The following MYO5B variants were observed in gnomAD, a reference collection of about 807,000 sequenced individuals.
The protein encoded by MYO5B is myosin VB.
Under a neutral mutation model 229.3 loss-of-function variants are expected in MYO5B, and 143 were observed. That is an observed-to-expected ratio of 0.62 (90% CI 0.54 to 0.72). MYO5B has a LOEUF of 0.72. MYO5B is among the 30% of genes least tolerant of loss of function. The pLI is 0.00. For missense variants in MYO5B, 2,321 were observed against 2,331.0 expected (o/e 1.00, Z 0.09); for synonymous variants, 918 against 885.2 (o/e 1.04, Z -0.66).
intron 1 of MYO5B, among the ~76,000 whole-genome samples, chr18:50,140,741 A>G (rs1042894413): frequency 6.6e-6 from 1 of 152,226 alleles, no homozygotes; most frequent in Admixed American, 6.5e-5. Context: ...TTATAACCAC[A>G]GTCCACACAC....
intron 1 of MYO5B, chr18:50,097,299 A>C: frequency 4.4e-6 from 2 of 456,608 alleles, no homozygotes; most frequent in Non-Finnish European, 8.8e-6. Context: ...TCACATGTGC[A>C]TCTCAGCCAG....
chr18:49,925,716 G>A (rs902794837), intron 17 of MYO5B, among the ~76,000 whole-genome samples: 5 of 152,190 alleles, frequency 3.3e-5, no homozygotes, highest in Non-Finnish European at 7.3e-5. Context: ...CCAGCTGCCC[G>A]TGGAAGATGG....
At chr18:50,059,985 T>C (rs1012393063) in intron 1 of MYO5B, among the ~76,000 whole-genome samples, 1 of 152,128 alleles carries the variant, frequency 6.6e-6, no homozygotes, top group Non-Finnish European at 1.5e-5. Context: ...AAGACCACAG[T>C]AGCTGGGAAC....
Position 49,822,934 on chromosome 18 carries a change from T to C in MYO5B, c.*3537A>G, listed in dbSNP as rs1429558913. 1.3e-5 allele frequency: 2 copies of C among 152,242 alleles called. No individual in the cohort carries two copies. The highest frequency in any genetic ancestry group is 6.5e-5 in the Admixed American group (1 of 15,280). 9.4% of individuals were successfully genotyped at this position (152,242 alleles called of 1,614,324 possible). ...CAGATTTGTGCAAAGTGGGAAAATA[T>C]TTTCATCAGTAGTCTTTCTTCCATG... On this transcript the variant is annotated 3_prime_UTR_variant, in exon 40 of 40. Transcript: ENST00000285039.
Position 49,835,369 on chromosome 18 carries a change from G to A in MYO5B, c.5369C>T (p.Thr1790Ile), listed in dbSNP as rs374025628. 190 of 1,611,650 alleles carry A rather than the reference G, an allele frequency of 1.2e-4. No individual in the cohort carries two copies. The highest frequency in any genetic ancestry group is 1.5e-4 in the Non-Finnish European group (179 of 1,179,332). ...CTGGATTGTTCGTATAAAGGCCACTGTTACCCGTTCTTCAAATTCATTCAG... is the reference window on the plus strand; with the variant it reads ...CTGGATTGTTCGTATAAAGGCCACTATTACCCGTTCTTCAAATTCATTCAG... The part of the protein sequence containing the change: ...TPLNEFEERV[T>I]VAFIRTIQAQ... Residue 1790 changes from threonine to isoleucine, a missense_variant, in exon 39 of 40, where the codon ACA (threonine) becomes ATA (isoleucine). Thr to Ile is a moderately conservative substitution (Grantham distance 89, BLOSUM62 -1). This residue lies in a region of MYO5B where 208 missense variants were observed against 286.3 expected (regional missense o/e 0.73). Transcript: ENST00000285039.
intron 1 of MYO5B, among the ~76,000 whole-genome samples, chr18:50,183,713 T>G (rs2033108470): frequency 6.6e-6 from 1 of 151,160 alleles, no homozygotes. Context: ...TCAAAGCTCA[T>G]GTTGAAATTT....
At position 49,973,549 on chromosome 18, in the gene MYO5B, G is replaced by A. The variant is rs1343990093; in HGVS notation, c.1322+801C>T. Among the ~76,000 whole-genome samples, 4 of 152,300 alleles carry A rather than the reference G, an allele frequency of 2.6e-5. No homozygotes were observed. The South Asian group carries it at 6.2e-4, about 24-fold the overall frequency. On this transcript the variant is annotated intron_variant, in intron 10 of 39. Coordinates refer to ENST00000285039, the MANE Select transcript of MYO5B (RefSeq NM_001080467.3). Reference sequence around the variant, plus strand: ...ATTTAGTCTATTGTTAGCTTAAAGAGGACAGGACATTGGTCAGAAAAGAAG... The same window carrying A: ...ATTTAGTCTATTGTTAGCTTAAAGAAGACAGGACATTGGTCAGAAAAGAAG...
At chr18:50,031,562 G>C (rs116410057) in intron 4 of MYO5B, among the ~76,000 whole-genome samples, 1,578 of 152,250 alleles carry the variant, frequency 0.01, 27 homozygotes, top group African/African-American at 0.035. Context: ...GTGCCACAAA[G>C]TCTCACACTT....
At chr18:49,937,021 T>C (rs1438067146) in intron 15 of MYO5B, among the ~76,000 whole-genome samples, 3 of 152,232 alleles carry the variant, frequency 2.0e-5, no homozygotes, top group Non-Finnish European at 4.4e-5. Context: ...AACATACTTA[T>C]GGAGGCTACG....
At chr18:50,043,712 G>C (rs990785108) in intron 2 of MYO5B, among the ~76,000 whole-genome samples, 1 of 141,280 alleles carries the variant, frequency 7.1e-6, no homozygotes. Flanking sequence ...ATATAAAGTG[G>C]AATTATTACT....
At position 49,895,186 on chromosome 18, in the gene MYO5B, A is replaced by G. The variant is rs1387206242; in HGVS notation, c.2812-12T>C. On this transcript the variant is annotated splice_polypyrimidine_tract_variant and intron_variant, in intron 21 of 39. Coordinates refer to ENST00000285039, the MANE Select transcript of MYO5B (RefSeq NM_001080467.3). ...TTGAACTCTTTGTTCTGTGGAGAACATCAGCAAACAAGGAGAAGGGAGAAG... is the reference window on the plus strand; with the variant it reads ...TTGAACTCTTTGTTCTGTGGAGAACGTCAGCAAACAAGGAGAAGGGAGAAG... The G allele has an allele frequency of 2.5e-6, 4 of 1,605,356 alleles. No individual in the cohort carries two copies. Among genetic ancestry groups the G allele is most frequent in the Non-Finnish European group, 3.4e-6 (4 of 1,172,374 alleles).
chr18:50,003,657 T>C (rs1277102844), intron 4 of MYO5B, among the ~76,000 whole-genome samples: 6 of 152,204 alleles, frequency 3.9e-5, no homozygotes, highest in African/African-American at 7.2e-5. Flanking sequence ...ACAAGTTTGA[T>C]ACCATCTTTA....
In MYO5B at chr18:49,822,889, A is replaced by G. The variant is rs1215026614; in HGVS notation, c.*3582T>C. The stretch of plus-strand genomic sequence containing the variant: ...CAGTGACTATTACAAGCATTTTTCT[A>G]TAAACAAAGGTGTAGTTTACAGATT... On this transcript the variant is annotated 3_prime_UTR_variant, in exon 40 of 40. Transcript: ENST00000285039. 1 of 152,256 alleles carries G rather than the reference A, an allele frequency of 6.6e-6. No individual in the cohort carries two copies. Among genetic ancestry groups the G allele is most frequent in the Non-Finnish European group, 1.5e-5 (1 of 68,046 alleles). 9.4% of individuals were successfully genotyped at this position (152,256 alleles called of 1,614,324 possible).
intron 1 of MYO5B, among the ~76,000 whole-genome samples, chr18:50,165,357 C>T (rs984878200): frequency 6.6e-6 from 1 of 152,104 alleles, no homozygotes; most frequent in African/African-American, 2.4e-5. Flanking sequence ...GTGGCAGATG[C>T]CTATGGTCCC....
intron 16 of MYO5B, among the ~76,000 whole-genome samples, chr18:49,930,149 G>A (rs1216256017): frequency 6.6e-6 from 1 of 152,142 alleles, no homozygotes; most frequent in Non-Finnish European, 1.5e-5. Context: ...CATATAATGG[G>A]GGAAAACAGC....
At chr18:50,103,056 C>G (rs578226884) in intron 1 of MYO5B, among the ~76,000 whole-genome samples, 19 of 152,344 alleles carry the variant, frequency 1.2e-4, no homozygotes, top group African/African-American at 4.3e-4. Context: ...CCACTTCTCC[C>G]CTGCCCCGCC....
chr18:49,940,784 C>G (rs2025305026), intron 14 of MYO5B, among the ~76,000 whole-genome samples: 1 of 152,242 alleles, frequency 6.6e-6, no homozygotes, highest in Non-Finnish European at 1.5e-5. Context: ...TGCAGGAACA[C>G]TTCACTATCA....
At chr18:50,051,504 G>A (rs1192902737) in intron 2 of MYO5B, among the ~76,000 whole-genome samples, 2 of 152,204 alleles carry the variant, frequency 1.3e-5, no homozygotes, top group South Asian at 2.1e-4. Context: ...AAAAAGGGAG[G>A]TGGGGCCAGG....
intron 1 of MYO5B, among the ~76,000 whole-genome samples, chr18:50,113,178 G>A (rs1274210271): frequency 6.6e-6 from 1 of 151,518 alleles, no homozygotes; most frequent in Non-Finnish European, 1.5e-5. Flanking sequence ...AAAAATATTT[G>A]CTCAGTACCT....
Sources: gnomAD v4.1 joint callset for allele counts (sites outside exome capture counted in the v4.1 genomes callset) on GRCh38, gnomAD v4.1.1 for gene constraint, gnomAD v4.1.1 regional missense constraint, MANE v1.5 for transcripts, NCBI Gene and HGNC (gene_info 2026-07-23, HGNC 2026-07-21) for gene names.